The following CYP4B1 variants were observed in gnomAD, a reference collection of about 807,000 sequenced individuals.
CYP4B1 encodes the protein cytochrome P450 family 4 subfamily B member 1.
Under a neutral mutation model 54.0 loss-of-function variants are expected in CYP4B1, and 45 were observed. That is an observed-to-expected ratio of 0.83 (90% confidence interval 0.66 to 1.07). The LOEUF (loss-of-function observed/expected upper bound fraction) is 1.07. CYP4B1 is among the 50% of genes least tolerant of loss of function. The probability of loss-of-function intolerance (pLI) is 0.00; values close to 1 mark genes in which losing one functional copy is unlikely to be tolerated. For missense variants in CYP4B1, 656 were observed against 655.4 expected, an observed-to-expected ratio of 1.00 and a Z score of -0.01; for synonymous variants, 248 against 247.5, an observed-to-expected ratio of 1.00 and a Z score of -0.02.
rs759846966 is a variant in CYP4B1, at chr1:46,815,144, A to G, written c.953A>G (p.His318Arg). 5 of 1,614,220 alleles carry G rather than the reference A, an allele frequency of 3.1e-6. No individual in the cohort carries two copies. The South Asian group carries it at 3.3e-5, about 11-fold the overall frequency. The change falls in exon 8 of 12, where the codon CAT becomes CGT. Residue 318 changes from histidine to arginine, a missense_variant. Physicochemically the swap from His to Arg is conservative, Grantham distance 29. Coordinates refer to ENST00000371923, the MANE Select transcript of CYP4B1 (RefSeq NM_001099772.2). ...AEVDTFMFEG[H>R]DTTTSGISWF... ...GTGGACACATTCATGTTTGAAGGCC[A>G]TGACACCACCACCAGTGGTATCTCC... is the stretch of plus-strand genomic sequence containing the variant.
Position 46,818,017 on chromosome 1 carries a change from GC to G in CYP4B1, c.1263del (p.Asp422ThrfsTer40). The G allele has an allele frequency of 6.2e-7, 1 of 1,614,160 alleles. No individual in the cohort carries two copies. Among genetic ancestry groups the G allele is most frequent in the Non-Finnish European group, 8.5e-7 (1 of 1,180,006 alleles). ...YALHRNSAVW[P>X]DPEVFDSLRF... The stretch of plus-strand genomic sequence containing the variant: ...CCCTCCATAGGAACAGTGCTGTATG[GC>G]CCGACCCTGAGGTACCCTTTCCCTG... On this transcript the variant is annotated frameshift_variant, in exon 10 of 12. Coordinates refer to ENST00000371923, the MANE Select transcript of CYP4B1 (RefSeq NM_001099772.2). LOFTEE classifies it high-confidence loss of function.
At chr1:46,810,385 G>C (rs1437607212) in intron 1 of CYP4B1, among the ~76,000 whole-genome samples, 1 of 152,192 alleles carries the variant, frequency 6.6e-6, no homozygotes, top group African/African-American at 2.4e-5. Context: ...TGCACATGTA[G>C]GCCCTCAATA....
intron 1 of CYP4B1, among the ~76,000 whole-genome samples, chr1:46,805,605 C>T (rs1383935013): frequency 6.6e-6 from 1 of 152,206 alleles, no homozygotes; most frequent in Non-Finnish European, 1.5e-5. Context: ...CTCTCTGCTC[C>T]CTGGGGTATT....
chr1:46,799,092 G>A lies in CYP4B1; in HGVS notation c.11G>A (p.Ser4Asn). Residue 4 changes from serine to asparagine, a missense_variant, in exon 1 of 12, where the codon AGC (serine) becomes AAC (asparagine). Physicochemically the swap from Ser to Asn is conservative, Grantham distance 46 (BLOSUM62 1). Coordinates refer to ENST00000371923, the MANE Select transcript of CYP4B1 (RefSeq NM_001099772.2). Reference sequence around the variant, plus strand: ...GCTGGAACTGCAACCATGGTGCCCAGCTTCCTCTCCCTGAGCTTCTCCTCC... The same window carrying A: ...GCTGGAACTGCAACCATGGTGCCCAACTTCCTCTCCCTGAGCTTCTCCTCC... MVPSFLSLSFSSLG... is the reference protein window; with the variant it reads MVPNFLSLSFSSLG... 6.2e-7 allele frequency: 1 copy of A among 1,614,024 alleles called. No homozygotes were observed. Among genetic ancestry groups the A allele is most frequent in the Non-Finnish European group, 8.5e-7 (1 of 1,179,968 alleles).
chr1:46,803,023 C>G (rs1678721269), intron 1 of CYP4B1, among the ~76,000 whole-genome samples: 1 of 152,188 alleles, frequency 6.6e-6, no homozygotes, highest in African/African-American at 2.4e-5. Context: ...CTCAGCGCTT[C>G]TGCAGTGGTG....
At chr1:46,817,245 C>A (rs899158684) in intron 9 of CYP4B1, 64 bp downstream of exon 9, 6 of 1,598,010 alleles carry the variant, frequency 3.8e-6, no homozygotes, top group Non-Finnish European at 5.1e-6. Flanking sequence ...ACCCTCTGTG[C>A]CTTTAGTCAA....
chr1:46,818,517 C>A, intron 11 of CYP4B1, 114 bp from the exon 12 acceptor site: 1 of 1,115,784 alleles, frequency 9.0e-7, no homozygotes, highest in Non-Finnish European at 1.3e-6. Flanking sequence ...ACCAATCTAT[C>A]AGCCAGTTAT....
In CYP4B1 at chr1:46,819,153, G is replaced by A. The variant is rs1393618865; in HGVS notation, c.*339G>A. On this transcript the variant is annotated 3_prime_UTR_variant, in exon 12 of 12. Transcript: ENST00000371923. ...TTCCAACCTTAGAGACTCATAGTGAGCACAAGGAAAGTTTTGCCCTGAGAT... is the reference window on the plus strand; with the variant it reads ...TTCCAACCTTAGAGACTCATAGTGAACACAAGGAAAGTTTTGCCCTGAGAT... 5 of 203,648 alleles carry A rather than the reference G, an allele frequency of 2.5e-5. No individual in the cohort carries two copies. Among genetic ancestry groups the A allele is most frequent in the Non-Finnish European group, 4.9e-5 (5 of 101,414 alleles). 12.6% of individuals were successfully genotyped at this position (203,648 alleles called of 1,614,324 possible).
chr1:46,801,850 G>T (rs1250607057), intron 1 of CYP4B1, among the ~76,000 whole-genome samples: 2 of 152,188 alleles, frequency 1.3e-5, no homozygotes, highest in East Asian at 1.9e-4. Flanking sequence ...GACCATAAAA[G>T]GTTACTGCAA....
intron 7 of CYP4B1, chr1:46,814,842 C>A (rs141765202): frequency 5.4e-6 from 3 of 558,816 alleles, no homozygotes; most frequent in East Asian, 6.2e-5. Flanking sequence ...CAGGGCTGGA[C>A]AAGGTCACAA....
intron 1 of CYP4B1, among the ~76,000 whole-genome samples, chr1:46,800,653 G>A (rs543352537): frequency 6.6e-6 from 1 of 152,160 alleles, no homozygotes. Flanking sequence ...TTGAGGCTCA[G>A]AGTGAGGCAA....
In CYP4B1 at chr1:46,812,374, G is replaced by T. The variant is rs570249442; in HGVS notation, c.368-122G>T. On this transcript the variant is annotated intron_variant, in intron 3 of 11. Transcript: ENST00000371923. ...GTGAGGGCATGGAGGGCAATACTGG[G>T]TCGCTTAGTGGCCCACCCTTGGAGG... is the stretch of plus-strand genomic sequence containing the variant. 1.3e-4 allele frequency: 148 copies of T among 1,148,044 alleles called. 3 individuals are homozygous for T. The highest frequency in any genetic ancestry group is 9.8e-4 in the South Asian group (72 of 73,504). The allele number at this position is 1,148,044 out of a possible 1,614,324, so 71.1% of individuals were successfully genotyped here. A position where few individuals can be genotyped will look rare whatever the true frequency, so the allele number is the denominator to read the frequency against.
chr1:46,815,470 C>G (rs1005593609), intron 8 of CYP4B1: 2 of 442,128 alleles, frequency 4.5e-6, no homozygotes, highest in East Asian at 3.5e-5. Context: ...CAAAATGGAG[C>G]CTTTCAGAAG....
intron 11 of CYP4B1, 24 bp downstream of exon 11, chr1:46,818,237 G>C: frequency 6.2e-7 from 1 of 1,605,850 alleles, no homozygotes; most frequent in Non-Finnish European, 8.5e-7. Context: ...CAGTATCCCA[G>C]GCCCTCAGGA....
chr1:46,808,386 T>C (rs954417320), intron 1 of CYP4B1, among the ~76,000 whole-genome samples: 2 of 152,076 alleles, frequency 1.3e-5, no homozygotes, highest in East Asian at 1.9e-4. Context: ...TGCATTTCTC[T>C]GATGGCCAGT....
chr1:46,800,245 CCTTCCT>C (rs1678586710), intron 1 of CYP4B1, among the ~76,000 whole-genome samples: 1 of 19,744 alleles, frequency 5.1e-5, no homozygotes, highest in African/African-American at 1.0e-4. Context: ...TTCTTTCCTT[CCTTCCT>C]TCCTTCCTTC....
At position 46,814,256 on chromosome 1, in the gene CYP4B1, C is replaced by T. The variant is rs111807240; in HGVS notation, c.823C>T (p.Arg275Trp). Residue 275 changes from arginine (R) to tryptophan (W), a missense_variant, in exon 7 of 12, where the codon CGG becomes TGG. Transcript: ENST00000371923. ...RKAALQDEKV[R>W]KKIQNRRHLD... The stretch of plus-strand genomic sequence containing the variant: ...GGCAGCCCTGCAGGATGAGAAGGTG[C>T]GGAAGAAGATCCAGAACCGGAGGCA... The T allele has an allele frequency of 6.9e-5, 111 of 1,614,114 alleles. 1 individual carries two copies. Among genetic ancestry groups the T allele is most frequent in the Middle Eastern group, 4.9e-4 (3 of 6,062 alleles).
Position 46,815,155 on chromosome 1 carries a change from A to C in CYP4B1, c.964A>C (p.Thr322Pro), listed in dbSNP as rs1410250390. 1 of 1,613,854 alleles carries C rather than the reference A, an allele frequency of 6.2e-7. No individual in the cohort carries two copies. The highest frequency in any genetic ancestry group is 1.1e-5 in the South Asian group (1 of 91,066). The change falls in exon 8 of 12, where the codon ACC becomes CCC. Residue 322 changes from threonine (T) to proline (P), a missense_variant. Transcript: ENST00000371923. ...CATGTTTGAAGGCCATGACACCACC[A>C]CCAGTGGTATCTCCTGGTTTCTCTA... ...TFMFEGHDTTTSGISWFLYCM... is the reference protein window; with the variant it reads ...TFMFEGHDTTPSGISWFLYCM...
At chr1:46,802,940 AC>A (rs1396774328) in intron 1 of CYP4B1, among the ~76,000 whole-genome samples, 1 of 152,234 alleles carries the variant, frequency 6.6e-6, no homozygotes, top group East Asian at 1.9e-4. Flanking sequence ...AAAAAGGCAC[AC>A]AGGCTGGAAA....
Sources: allele counts gnomAD v4.1 joint callset (sites outside exome capture counted in the v4.1 genomes callset), GRCh38; gene constraint gnomAD v4.1.1; transcripts MANE v1.5; gene names NCBI Gene and HGNC (gene_info 2026-07-23, HGNC 2026-07-21).